The following PDE5A variants were observed in gnomAD, a reference collection of about 807,000 sequenced individuals.
The protein encoded by PDE5A is cGMP-specific 3',5'-cyclic phosphodiesterase.
A neutral mutation model predicts 110.2 loss-of-function variants in PDE5A; 67 were observed. That is an observed-to-expected ratio of 0.61 (90% CI 0.50 to 0.75). The LOEUF is 0.75. PDE5A is among the 30% of genes least tolerant of loss of function. PDE5A has a pLI of 0.00. For synonymous variants in PDE5A, 328 were observed against 351.2 expected (o/e 0.93, Z 0.74); for missense variants, 862 against 1,045.1 (o/e 0.82, Z 2.42).
At chr4:119,505,967 G>A in intron 16 of PDE5A, 35 bp from the exon 17 acceptor site, 1 of 1,218,226 alleles carries the variant, frequency 8.2e-7, no homozygotes, top group Middle Eastern at 2.0e-4. Flanking sequence ...TAGTTATAAT[G>A]AGTACCCAGG....
intron 3 of PDE5A, among the ~76,000 whole-genome samples, chr4:119,574,913 T>C (rs973280055): frequency 7.2e-5 from 11 of 152,178 alleles, no homozygotes; most frequent in African/African-American, 2.7e-4. Context: ...TATATGTACA[T>C]TTTTCAAAAC....
At chr4:119,544,998 C>G (rs1277515002) in intron 9 of PDE5A, among the ~76,000 whole-genome samples, 1 of 150,868 alleles carries the variant, frequency 6.6e-6, no homozygotes, top group Non-Finnish European at 1.5e-5. Context: ...TCTATAGGCA[C>G]AGAGTTAAGC....
At chr4:119,544,984 T>C (rs1456238229) in intron 9 of PDE5A, among the ~76,000 whole-genome samples, 2 of 152,082 alleles carry the variant, frequency 1.3e-5, no homozygotes, top group Non-Finnish European at 2.9e-5. Context: ...ATTATAGATA[T>C]AGATCTATAG....
chr4:119,495,316 A>C lies in PDE5A; in HGVS notation c.*3285T>G, dbSNP rs1052387044. ...GGTACCTAACATGTGGCAGGACTCA[A>C]TAAAAGGTGGGTCAGTGTATTTCTG... On this transcript the variant is annotated 3_prime_UTR_variant, in exon 21 of 21. Transcript: ENST00000354960. 6.6e-6 allele frequency: 1 copy of C among 152,140 alleles called. No homozygotes were observed. The highest frequency in any genetic ancestry group is 2.4e-5 in the African/African-American group (1 of 41,428). The allele number at this position is 152,140 out of a possible 1,614,324, so 9.4% of individuals were successfully genotyped here.
At chr4:119,581,672 T>C (rs1728594533) in intron 3 of PDE5A, among the ~76,000 whole-genome samples, 1 of 152,178 alleles carries the variant, frequency 6.6e-6, no homozygotes, top group African/African-American at 2.4e-5. Flanking sequence ...TGACCTCTTC[T>C]CCATAGCTGT....
In PDE5A at chr4:119,579,841, A is replaced by T. The variant is rs542116499; in HGVS notation, c.832-12697T>A. ...TGTACCCTAAAACTTAAAGTATAAT[A>T]AAAAAAAAAAAGATCTGTGAGTTTC... On this transcript the variant is annotated intron_variant, in intron 3 of 20. Coordinates refer to ENST00000354960, the MANE Select transcript of PDE5A (RefSeq NM_001083.4). 6.5e-3 allele frequency among the ~76,000 whole-genome samples: 487 copies of T among 74,992 alleles called. 1 individual carries two copies. The highest frequency in any genetic ancestry group is 0.022 in the African/African-American group (456 of 21,148). 49.2% of individuals were successfully genotyped at this position (74,992 alleles called of 152,430 possible). A position where few individuals can be genotyped will look rare whatever the true frequency, so the allele number is the denominator to read the frequency against.
At chr4:119,504,710 G>T in intron 17 of PDE5A, 111 bp from the exon 18 acceptor site, 1 of 698,864 alleles carries the variant, frequency 1.4e-6, no homozygotes, top group Non-Finnish European at 2.3e-6. Context: ...CAATGGAAAT[G>T]GCAGTTTATA....
At chr4:119,589,587 T>C (rs965036146) in intron 3 of PDE5A, among the ~76,000 whole-genome samples, 3 of 152,348 alleles carry the variant, frequency 2.0e-5, no homozygotes, top group Middle Eastern at 6.8e-3. Context: ...ATAAATTTAA[T>C]AGCAGCCGTA....
chr4:119,549,074 A>C (rs1391653971), intron 9 of PDE5A: 1 of 151,654 alleles, frequency 6.6e-6, no homozygotes, highest in East Asian at 1.9e-4. Flanking sequence ...TGAGCAGCTT[A>C]TCTCTCCATG....
intron 12 of PDE5A, among the ~76,000 whole-genome samples, chr4:119,521,817 A>C (rs1022296119): frequency 1.3e-5 from 2 of 152,054 alleles, no homozygotes; most frequent in African/African-American, 2.4e-5. Flanking sequence ...TAAGTGGTGT[A>C]TTAAATAAAA....
At chr4:119,500,101 A>G (rs1725245609) in intron 20 of PDE5A, 1 of 152,104 alleles carries the variant, frequency 6.6e-6, no homozygotes, top group Non-Finnish European at 1.5e-5. Context: ...TCTTAATCCA[A>G]TCAATAAGGA....
intron 3 of PDE5A, among the ~76,000 whole-genome samples, chr4:119,593,009 CA>C (rs34873286): frequency 0.76 from 115,179 of 151,926 alleles, 44,003 homozygotes; most frequent in East Asian, 0.89. Context: ...AGTGGGGTTA[CA>C]TATTCATGTA....
At chr4:119,502,730 C>T (rs778390971) in intron 18 of PDE5A, 75 bp from the exon 19 acceptor site, 29 of 924,694 alleles carry the variant, frequency 3.1e-5, no homozygotes, top group Non-Finnish European at 4.6e-5. Flanking sequence ...TGAATGAAGG[C>T]CCTGTTAGGA....
At chr4:119,597,914 T>G (rs1038592263) in intron 2 of PDE5A, among the ~76,000 whole-genome samples, 1 of 152,056 alleles carries the variant, frequency 6.6e-6, no homozygotes, top group Non-Finnish European at 1.5e-5. Context: ...TTATAAACAC[T>G]ACTACATTTT....
chr4:119,590,450 C>T (rs1728926946), intron 3 of PDE5A, among the ~76,000 whole-genome samples: 3 of 152,042 alleles, frequency 2.0e-5, no homozygotes, highest in African/African-American at 7.2e-5. Flanking sequence ...GCTCTTTGAC[C>T]TTCCAAAATA....
intron 19 of PDE5A, 61 bp downstream of exon 19, chr4:119,502,520 G>A: frequency 1.1e-6 from 1 of 914,284 alleles, no homozygotes; most frequent in Non-Finnish European, 1.7e-6. Context: ...CCATAAAAAG[G>A]AGTCTACAAT....
intron 3 of PDE5A, 60 bp downstream of exon 3, chr4:119,596,463 A>C (rs1729153700): frequency 1.1e-6 from 1 of 899,108 alleles, no homozygotes; most frequent in South Asian, 1.7e-5. Flanking sequence ...TAAATACAAA[A>C]TATTTTTCAA....
At chr4:119,616,229 A>G (rs6534145) in intron 1 of PDE5A, among the ~76,000 whole-genome samples, 143,609 of 152,252 alleles carry the variant, frequency 0.94, 67,794 homozygotes, top group Non-Finnish European at 0.97. Flanking sequence ...ATAACCTGTT[A>G]TTTCAAACTT....
At chr4:119,567,918 A>C (rs575046842) in intron 3 of PDE5A, among the ~76,000 whole-genome samples, 32 of 152,186 alleles carry the variant, frequency 2.1e-4, no homozygotes, top group African/African-American at 7.7e-4. Context: ...TCTGCTATTT[A>C]GTATCAGTGG....
Sources: gnomAD v4.1 joint callset for allele counts (sites outside exome capture counted in the v4.1 genomes callset) on GRCh38, gnomAD v4.1.1 for gene constraint, MANE v1.5 for transcripts, NCBI Gene and HGNC (gene_info 2026-07-23, HGNC 2026-07-21) for gene names.